The following TG variants were observed in gnomAD, a reference collection of about 807,000 sequenced individuals.
The protein encoded by TG is thyroglobulin.
TG carries 270 observed loss-of-function variants against 324.7 expected under a neutral mutation model. That is an observed-to-expected ratio of 0.83 (90% CI 0.75 to 0.92). The LOEUF is 0.92. TG is among the 40% of genes least tolerant of loss of function. The probability of loss-of-function intolerance (pLI) is 0.00; values close to 1 mark genes in which losing one functional copy is unlikely to be tolerated. For synonymous variants in TG, 1,401 were observed against 1,327.0 expected, an observed-to-expected ratio of 1.06 and a Z score of -1.21; for missense variants, 3,591 against 3,456.4, an observed-to-expected ratio of 1.04 and a Z score of -0.98.
At chr8:133,096,062 C>T (rs2131642082) in intron 42 of TG, 144 bp from the exon 43 acceptor site, 2 of 962,670 alleles carry the variant, frequency 2.1e-6, no homozygotes, top group Non-Finnish European at 3.3e-6. Flanking sequence ...TGGTGTCCTG[C>T]CTGCCAGTTG....
At chr8:132,893,280 G>T (rs1816566640) in intron 10 of TG, among the ~76,000 whole-genome samples, 1 of 116,344 alleles carries the variant, frequency 8.6e-6, no homozygotes, top group South Asian at 2.9e-4. Context: ...TGCGGGGGTG[G>T]TGTGTGTGTA....
intron 21 of TG, among the ~76,000 whole-genome samples, chr8:132,921,311 G>A (rs570386795): frequency 2.0e-5 from 3 of 152,328 alleles, no homozygotes; most frequent in African/African-American, 7.2e-5. Flanking sequence ...TTTTGGGGGT[G>A]AGCATTGATT....
At chr8:133,115,674 A>G (rs1850621511) in intron 44 of TG, among the ~76,000 whole-genome samples, 1 of 152,186 alleles carries the variant, frequency 6.6e-6, no homozygotes, top group African/African-American at 2.4e-5. Flanking sequence ...ATTCAAGGAG[A>G]TAAAAGAACT....
chr8:132,963,805 C>G (rs28697159), intron 29 of TG, among the ~76,000 whole-genome samples: 11,079 of 151,830 alleles, frequency 0.073, 1,244 homozygotes, highest in African/African-American at 0.25. Context: ...ACTGCTGGCA[C>G]AGGAAGGCAG....
At chr8:132,960,961 A>T (rs762287916) in intron 27 of TG, 47 bp from the exon 28 acceptor site, 1 of 1,582,098 alleles carries the variant, frequency 6.3e-7, no homozygotes, top group East Asian at 2.2e-5. Context: ...GTGGGTACCC[A>T]GTGACAGCAC....
intron 8 of TG, 63 bp downstream of exon 8, chr8:132,883,062 G>A (rs1304868458): frequency 6.4e-7 from 1 of 1,564,652 alleles, no homozygotes; most frequent in African/African-American, 1.4e-5. Context: ...CGGTCCTCCA[G>A]ACCAACCTCT....
At chr8:133,057,788 C>CA (rs1372271745) in intron 41 of TG, among the ~76,000 whole-genome samples, 325 of 129,370 alleles carry the variant, frequency 2.5e-3, no homozygotes, top group Non-Finnish European at 3.6e-3. Flanking sequence ...AAAAAAAAAA[C>CA]AAAAAAACAG....
At chr8:133,131,733 T>C in intron 45 of TG, 79 bp from the exon 46 acceptor site, 3 of 1,587,094 alleles carry the variant, frequency 1.9e-6, no homozygotes, top group Non-Finnish European at 2.6e-6. Context: ...GGAAGAAATA[T>C]TTTTGTTTGT....
At chr8:133,034,416 G>T (rs1836898478) in intron 41 of TG, among the ~76,000 whole-genome samples, 1 of 152,102 alleles carries the variant, frequency 6.6e-6, no homozygotes, top group Non-Finnish European at 1.5e-5. Context: ...CTTTTCTATT[G>T]TATTTTCCAG....
At chr8:132,873,989 C>T (rs1284747719) in intron 5 of TG, among the ~76,000 whole-genome samples, 2 of 151,848 alleles carry the variant, frequency 1.3e-5, no homozygotes, top group African/African-American at 4.8e-5. Context: ...GCCAATATGG[C>T]GAAACCCCAT....
At chr8:133,083,424 T>A (rs1846041465) in intron 41 of TG, among the ~76,000 whole-genome samples, 1 of 152,220 alleles carries the variant, frequency 6.6e-6, no homozygotes, top group Non-Finnish European at 1.5e-5. Flanking sequence ...CTCATCCCTA[T>A]TTTACATTAG....
chr8:132,901,504 A>G lies in TG; in HGVS notation c.3585A>G (p.Gly1195=), dbSNP rs1166133352. 14 of 1,614,002 alleles carry G rather than the reference A, an allele frequency of 8.7e-6. No homozygotes were observed. Among genetic ancestry groups the G allele is most frequent in the Non-Finnish European group, 1.2e-5 (14 of 1,180,042 alleles). The change falls in exon 16 of 48, where the codon GGA becomes GGG. Residue 1195 remains glycine, a synonymous_variant. Transcript: ENST00000220616. ...QGSCWCVMDS[G]EEVPGTRVTG... is the part of the protein sequence containing the mutation. ...GCTGCTGGTGTGTCATGGACAGCGG[A>G]GAAGAGGTGCCTGGGACGCGCGTGA...
At chr8:133,105,228 T>C (rs1370229034) in intron 43 of TG, among the ~76,000 whole-genome samples, 1 of 152,198 alleles carries the variant, frequency 6.6e-6, no homozygotes. Flanking sequence ...AAAAATTGAC[T>C]ACAGGCTGTC....
At chr8:132,882,793 T>C (rs1814837155) in intron 7 of TG, 21 bp from the exon 8 acceptor site, 10 of 1,614,066 alleles carry the variant, frequency 6.2e-6, no homozygotes, top group Non-Finnish European at 7.6e-6. Context: ...CTGTCTTCTT[T>C]ACTGTGTGGA....
chr8:133,016,975 G>A (rs1418835061), intron 37 of TG, among the ~76,000 whole-genome samples: 1 of 152,212 alleles, frequency 6.6e-6, no homozygotes, highest in Admixed American at 6.5e-5. Context: ...GAGGGATTTG[G>A]ACATGAAAAA....
At chr8:133,075,728 G>A (rs943246920) in intron 41 of TG, among the ~76,000 whole-genome samples, 2 of 152,036 alleles carry the variant, frequency 1.3e-5, no homozygotes, top group East Asian at 1.9e-4. Context: ...TGCCATAGAA[G>A]TAATGGCAAA....
intron 35 of TG, among the ~76,000 whole-genome samples, chr8:132,989,842 C>T (rs900772366): frequency 6.6e-6 from 1 of 152,144 alleles, no homozygotes; most frequent in African/African-American, 2.4e-5. Flanking sequence ...TGCGACATCA[C>T]GGTGCAGCAC....
intron 41 of TG, among the ~76,000 whole-genome samples, chr8:133,034,790 T>C (rs1478483273): frequency 6.6e-6 from 1 of 152,146 alleles, no homozygotes; most frequent in Non-Finnish European, 1.5e-5. Flanking sequence ...GGGTTGAGTT[T>C]GGGCTGCCAG....
At position 132,887,316 on chromosome 8, in the gene TG, C is replaced by T. The variant is rs1157414752; in HGVS notation, c.1944C>T (p.Gly648=). ...CVNSWGKELP[G]SRVRGGQPRC... ...ATTCCTGGGGCAAAGAGCTTCCAGG[C>T]TCAAGAGTCAGAGGTGGACAGCCAA... Residue 648 remains glycine, a synonymous_variant, in exon 9 of 48, where the codon GGC becomes GGT. Transcript: ENST00000220616. 1 of 1,608,058 alleles carries T rather than the reference C, an allele frequency of 6.2e-7. No homozygotes were observed. Among genetic ancestry groups the T allele is most frequent in the Non-Finnish European group, 8.5e-7 (1 of 1,175,558 alleles).
Sources: gnomAD v4.1 joint callset for allele counts (sites outside exome capture counted in the v4.1 genomes callset) on GRCh38, gnomAD v4.1.1 for gene constraint, MANE v1.5 for transcripts, NCBI Gene and HGNC (gene_info 2026-07-23, HGNC 2026-07-21) for gene names.